Variants in AASS observed in about 807,000 individuals in gnomAD.
The protein encoded by AASS is aminoadipate-semialdehyde synthase, also known as alpha-aminoadipic semialdehyde synthase, mitochondrial.
AASS carries 86 observed loss-of-function variants against 105.4 expected under a neutral mutation model. That is an observed-to-expected ratio of 0.82 (90% confidence interval 0.69 to 0.98). The LOEUF is 0.98. AASS is among the 50% of genes least tolerant of loss of function. The pLI, the probability that AASS is intolerant of heterozygous loss-of-function variation, is 0.00. For missense variants in AASS, 1,048 were observed against 1,143.2 expected, an observed-to-expected ratio of 0.92 and a Z score of 1.20; for synonymous variants, 381 against 394.8, an observed-to-expected ratio of 0.96 and a Z score of 0.41.
intron 2 of AASS, among the ~76,000 whole-genome samples, chr7:122,130,354 C>T (rs911160658): frequency 6.6e-6 from 1 of 151,910 alleles, no homozygotes; most frequent in Non-Finnish European, 1.5e-5. Context: ...AGTAAAGAGA[C>T]ATTTACAACA....
At chr7:122,115,389 T>C (rs1795119501) in intron 8 of AASS, among the ~76,000 whole-genome samples, 167 bp from the exon 9 acceptor site, 2 of 152,174 alleles carry the variant, frequency 1.3e-5, no homozygotes, top group South Asian at 2.1e-4. Context: ...AGATATTAAA[T>C]AGCCACCCAG....
In AASS at chr7:122,091,748, A is replaced by C. The variant is rs757880957; in HGVS notation, c.1971T>G (p.Val657=). Residue 657 remains valine (V), a synonymous_variant, in exon 18 of 24, where the codon GTT becomes GTG. Coordinates refer to ENST00000417368, the MANE Select transcript of AASS (RefSeq NM_005763.4). ...RYKFSWSPVG[V]LMNVMQSATY... ...TGGCAGACTGCATTACATTCATCAA[A>C]ACTCCCACTGGACTCCAGCTAAATT... is the stretch of plus-strand genomic sequence containing the variant. The C allele has an allele frequency of 1.2e-6, 2 of 1,613,452 alleles. No homozygotes were observed. Among genetic ancestry groups the C allele is most frequent in the Non-Finnish European group, 8.5e-7 (1 of 1,179,718 alleles).
intron 11 of AASS, among the ~76,000 whole-genome samples, chr7:122,108,561 A>G (rs886639130): frequency 2.6e-5 from 4 of 152,142 alleles, no homozygotes; most frequent in African/African-American, 4.8e-5. Flanking sequence ...GACAGAATGA[A>G]GGACAAAAAC....
Position 122,115,706 on chromosome 7 carries a change from T to C in AASS, c.895-484A>G, listed in dbSNP as rs183518577. 4.5e-4 allele frequency among the ~76,000 whole-genome samples: 68 copies of C among 152,282 alleles called. No individual in the cohort carries two copies. The East Asian group carries it at 7.7e-3, about 17-fold the overall frequency. ...CATCTGTAAGCTCTATGGAGCAATG[T>C]GCTACATACATGCATACATGGCAAC... is the stretch of plus-strand genomic sequence containing the variant. On this transcript the variant is annotated intron_variant, in intron 8 of 23. Transcript: ENST00000417368.
At chr7:122,083,340 C>T (rs1431560008) in intron 19 of AASS, among the ~76,000 whole-genome samples, 6 of 152,072 alleles carry the variant, frequency 3.9e-5, no homozygotes, top group Admixed American at 3.9e-4. Context: ...ATCCCTTTAT[C>T]CAACATCTAA....
chr7:122,115,165 G>A lies in AASS; in HGVS notation c.952C>T (p.Arg318Cys), dbSNP rs548570072. The change falls in exon 9 of 24, where the codon CGC becomes TGC. Residue 318 changes from arginine (R) to cysteine (C), a missense_variant. By Grantham distance (180) the Arg-to-Cys change is radical. Coordinates refer to ENST00000417368, the MANE Select transcript of AASS (RefSeq NM_005763.4). Reference protein sequence around the residue: ...NGIYWEQNTPRLLTRQDAQSL... With the variant: ...NGIYWEQNTPCLLTRQDAQSL... The stretch of plus-strand genomic sequence containing the variant: ...TGAGCATCTTGGCGGGTTAGGAGGC[G>A]AGGAGTGTTTTGTTCCCAGTAGATT... 6.8e-6 allele frequency: 11 copies of A among 1,614,160 alleles called. No individual in the cohort carries two copies. The highest frequency in any genetic ancestry group is 3.3e-4 in the Middle Eastern group (2 of 6,060).
chr7:122,109,052 G>T (rs1057213117), intron 11 of AASS, among the ~76,000 whole-genome samples: 1 of 151,614 alleles, frequency 6.6e-6, no homozygotes, highest in Non-Finnish European at 1.5e-5. Context: ...AATAGCCACA[G>T]CAAAAATAAG....
intron 11 of AASS, among the ~76,000 whole-genome samples, chr7:122,108,925 A>C (rs1794800543): frequency 6.6e-6 from 1 of 152,164 alleles, no homozygotes; most frequent in Non-Finnish European, 1.5e-5. Flanking sequence ...AGACTCCATC[A>C]AAACACTGTT....
At chr7:122,086,238 A>T in intron 18 of AASS, 59 bp from the exon 19 acceptor site, 1 of 1,525,514 alleles carries the variant, frequency 6.6e-7, no homozygotes, top group Non-Finnish European at 9.1e-7. Flanking sequence ...TTTAGGGCTT[A>T]TCTGCATTAT....
intron 15 of AASS, among the ~76,000 whole-genome samples, chr7:122,096,722 C>T (rs1202252071): frequency 6.6e-6 from 1 of 151,928 alleles, no homozygotes; most frequent in Non-Finnish European, 1.5e-5. Context: ...AATGAGAAAA[C>T]ATTAAATATA....
intron 1 of AASS, 76 bp from the exon 2 acceptor site, chr7:122,133,817 C>T: frequency 7.8e-7 from 1 of 1,283,944 alleles, no homozygotes; most frequent in Admixed American, 1.7e-5. Flanking sequence ...CCTGAGAAAT[C>T]TGAGGTAAAA....
intron 4 of AASS, among the ~76,000 whole-genome samples, chr7:122,124,393 C>T (rs1276766949): frequency 4.6e-5 from 7 of 152,088 alleles, no homozygotes; most frequent in African/African-American, 1.7e-4. Flanking sequence ...AGCAATTCTC[C>T]TGCTTTAGCC....
rs772971021 is a variant in AASS at position 122,118,327 on chromosome 7, C to T, written c.667G>A (p.Gly223Arg). Residue 223 changes from glycine (G) to arginine (R), a missense_variant, in exon 6 of 24, where the codon GGA (glycine) becomes AGA (arginine). Transcript: ENST00000417368. Reference sequence around the variant, plus strand: ...GTTACCTTAGAAACATTACCAGTTCCTGTGAACACAAATGTTAAGGGTCCT... The same window carrying T: ...GTTACCTTAGAAACATTACCAGTTCTTGTGAACACAAATGTTAAGGGTCCT... Reference protein sequence around the residue: ...SIGPLTFVFTGTGNVSKGAQA... With the variant: ...SIGPLTFVFTRTGNVSKGAQA... 2 of 1,614,092 alleles carry T rather than the reference C, an allele frequency of 1.2e-6. No homozygotes were observed. The highest frequency in any genetic ancestry group is 2.2e-5 in the South Asian group (2 of 91,084).
At chr7:122,086,585 AAAAT>A (rs1223449284) in intron 18 of AASS, among the ~76,000 whole-genome samples, 4 of 151,636 alleles carry the variant, frequency 2.6e-5, no homozygotes, top group Non-Finnish European at 4.4e-5. Context: ...AAATGTTTAA[AAAAT>A]AAACAAAATT....
intron 19 of AASS, among the ~76,000 whole-genome samples, chr7:122,083,426 T>C (rs1292103251): frequency 6.6e-6 from 1 of 152,120 alleles, no homozygotes; most frequent in African/African-American, 2.4e-5. Context: ...ATTTATTTTA[T>C]GTATTCATTC....
chr7:122,124,636 C>T (rs1795577549), intron 4 of AASS, among the ~76,000 whole-genome samples: 1 of 152,090 alleles, frequency 6.6e-6, no homozygotes, highest in Non-Finnish European at 1.5e-5. Context: ...TGTTTACTTG[C>T]TTGAATGCTT....
At chr7:122,100,563 C>G (rs1449011978) in intron 13 of AASS, among the ~76,000 whole-genome samples, 1 of 151,816 alleles carries the variant, frequency 6.6e-6, no homozygotes, top group East Asian at 1.9e-4. Flanking sequence ...GTAGTAGAAC[C>G]ACTGAAAAAG....
chr7:122,101,588 C>A lies in AASS; in HGVS notation c.1338+33G>T, dbSNP rs765585111. 6 of 1,581,698 alleles carry A rather than the reference C, an allele frequency of 3.8e-6. No individual in the cohort carries two copies. The East Asian group carries it at 1.1e-4, about 30-fold the overall frequency. On this transcript the variant is annotated intron_variant, in intron 12 of 23. Transcript: ENST00000417368. ...GAGCAAAAATGGTAGTAAAAAAATA[C>A]ATTTATGAAAAAATATTCTGCTCAT...
Position 122,116,898 on chromosome 7 carries a change from T to G in AASS, c.747A>C (p.Lys249Asn). Residue 249 changes from lysine to asparagine, a missense_variant, in exon 7 of 24, where the codon AAA (lysine) becomes AAC (asparagine). Physicochemically the swap from Lys to Asn is moderately conservative, Grantham distance 94. Coordinates refer to ENST00000417368, the MANE Select transcript of AASS (RefSeq NM_005763.4). Reference sequence around the variant, plus strand: ...CCTTACCTCCAGTTTGGGAAACTTCTTTTAATTCATGGGGCTCCACATATT... The same window carrying G: ...CCTTACCTCCAGTTTGGGAAACTTCGTTTAATTCATGGGGCTCCACATATT... ...PCEYVEPHEL[K>N]EVSQTGDLRK... The G allele has an allele frequency of 1.2e-6, 2 of 1,614,086 alleles. No individual in the cohort carries two copies. The highest frequency in any genetic ancestry group is 2.2e-5 in the South Asian group (2 of 91,088).
Sources: allele counts gnomAD v4.1 joint callset (sites outside exome capture counted in the v4.1 genomes callset), GRCh38; gene constraint gnomAD v4.1.1; transcripts MANE v1.5; gene names NCBI Gene and HGNC (gene_info 2026-07-23, HGNC 2026-07-21).